GOLGA4: variants seen among roughly 807,000 people sequenced by gnomAD.
GOLGA4 encodes the protein golgin subfamily A member 4.
A neutral mutation model predicts 265.9 loss-of-function variants in GOLGA4; 169 were observed. The ratio of observed to expected loss-of-function variants is 0.64; its 90% confidence interval spans 0.56 to 0.72. GOLGA4 has a LOEUF of 0.72. GOLGA4 is among the 30% of genes least tolerant of loss of function. The pLI, the probability that GOLGA4 is intolerant of heterozygous loss-of-function variation, is 0.00. For missense variants in GOLGA4, 2,482 were observed against 2,483.4 expected (o/e 1.00, Z 0.01); for synonymous variants, 923 against 855.8 (o/e 1.08, Z -1.37).
chr3:37,273,161 A>C (rs17036215), intron 2 of GOLGA4, among the ~76,000 whole-genome samples: 8,132 of 152,296 alleles, frequency 0.053, 299 homozygotes, highest in African/African-American at 0.11. Context: ...AAAAAATTGA[A>C]ATTACTTCCT....
intron 21 of GOLGA4, among the ~76,000 whole-genome samples, chr3:37,348,488 C>T (rs551712603): frequency 4.6e-5 from 7 of 152,010 alleles, no homozygotes; most frequent in South Asian, 2.1e-4. Context: ...ACAAAACTAA[C>T]GAAATACAGC....
intron 13 of GOLGA4, among the ~76,000 whole-genome samples, chr3:37,322,959 C>A (rs922156811): frequency 3.9e-5 from 6 of 151,926 alleles, no homozygotes; most frequent in African/African-American, 1.5e-4. Context: ...AATCTTCCTA[C>A]CAGAAGTTAC....
chr3:37,331,392 T>G (rs2096989686), intron 16 of GOLGA4, among the ~76,000 whole-genome samples: 1 of 152,144 alleles, frequency 6.6e-6, no homozygotes, highest in South Asian at 2.1e-4. Flanking sequence ...AAATAGCCAG[T>G]CCCCATCCAG....
rs2096948123 is a variant in GOLGA4 at position 37,319,354 on chromosome 3, T to G, written c.1545+160T>G. The stretch of plus-strand genomic sequence containing the variant: ...AGAGTAGGCAAGCTGTCAGAGCTTA[T>G]TAGCTTGGTATTGTGTGAAAATTAA... On this transcript the variant is annotated intron_variant, in intron 12 of 23. Transcript: ENST00000361924. 5 of 502,754 alleles carry G rather than the reference T, an allele frequency of 9.9e-6. No homozygotes were observed. In the East Asian group the frequency reaches 1.6e-4, roughly 16 times the overall value. 31.1% of individuals were successfully genotyped at this position (502,754 alleles called of 1,614,324 possible). A position where few individuals can be genotyped will look rare whatever the true frequency, so the allele number is the denominator to read the frequency against.
At position 37,325,564 on chromosome 3, in the gene GOLGA4, C is replaced by T; in HGVS notation, c.3678C>T (p.Ala1226=). The T allele has an allele frequency of 6.2e-7, 1 of 1,613,324 alleles. No homozygotes were observed. Among genetic ancestry groups the T allele is most frequent in the South Asian group, 1.1e-5 (1 of 91,000 alleles). The stretch of plus-strand genomic sequence containing the variant: ...ATATTTGCTGTAAGAAAACCGAAGC[C>T]TTATTAGAAGCTAAAACAAATGAGC... ...QLDICCKKTE[A]LLEAKTNELI... Residue 1226 remains alanine, a synonymous_variant, in exon 14 of 24, where the codon GCC becomes GCT. Transcript: ENST00000361924.
chr3:37,269,519 CTTAAAGTACAAAGGAA>C (rs2096792495), intron 2 of GOLGA4, among the ~76,000 whole-genome samples: 1 of 151,850 alleles, frequency 6.6e-6, no homozygotes, highest in Non-Finnish European at 1.5e-5. Context: ...TCAACATACA[CTTAAAGTACAAAGGAA>C]TTAAGGCTTC....
chr3:37,362,780 C>CCTTTTTTTTTTTTTTTTTTTTTTTTTTT (rs1375290747), intron 23 of GOLGA4, among the ~76,000 whole-genome samples: 5 of 75,464 alleles, frequency 6.6e-5, no homozygotes, highest in African/African-American at 2.1e-4. Flanking sequence ...AGCCTCTAAG[C>CCTTTTTTTTTTTTTTTTTTTTTTTTTTT]TTTTTTTTTT....
chr3:37,306,209 G>A (rs1162783364), intron 10 of GOLGA4, among the ~76,000 whole-genome samples: 2 of 152,138 alleles, frequency 1.3e-5, no homozygotes. Context: ...ACGTATGAGA[G>A]CATAGCATTC....
intron 5 of GOLGA4, among the ~76,000 whole-genome samples, chr3:37,291,272 G>GT (rs552675722): frequency 1.3e-3 from 192 of 150,892 alleles, no homozygotes; most frequent in African/African-American, 4.2e-3. Flanking sequence ...AGGAATACCT[G>GT]TTTTTTTTTC....
chr3:37,338,988 A>G (rs2097023869), intron 19 of GOLGA4, among the ~76,000 whole-genome samples: 1 of 150,770 alleles, frequency 6.6e-6, no homozygotes, highest in African/African-American at 2.4e-5. Context: ...CAGCCTGCTG[A>G]GTAGCTGGGA....
At chr3:37,304,395 C>T (rs2096900879) in intron 10 of GOLGA4, among the ~76,000 whole-genome samples, 1 of 152,164 alleles carries the variant, frequency 6.6e-6, no homozygotes, top group African/African-American at 2.4e-5. Context: ...TTGTTCTCAT[C>T]AAACCTAAGA....
At chr3:37,251,354 A>C (rs777541760) in intron 1 of GOLGA4, 41 bp from the exon 2 acceptor site, 7 of 1,224,034 alleles carry the variant, frequency 5.7e-6, no homozygotes, top group Middle Eastern at 1.9e-4. Context: ...TTCACTAGTC[A>C]ATATAGTCTT....
At chr3:37,358,804 A>G (rs2151080809) in intron 22 of GOLGA4, among the ~76,000 whole-genome samples, 1 of 152,266 alleles carries the variant, frequency 6.6e-6, no homozygotes, top group Non-Finnish European at 1.5e-5. Context: ...AGCCCACAAA[A>G]TGCCCCCATC....
intron 1 of GOLGA4, among the ~76,000 whole-genome samples, chr3:37,246,476 T>C (rs2096719914): frequency 6.6e-6 from 1 of 152,216 alleles, no homozygotes; most frequent in Non-Finnish European, 1.5e-5. Flanking sequence ...TTTAGCCTTT[T>C]CAAGTACTTC....
rs1319904127 is a variant in GOLGA4 at position 37,258,922 on chromosome 3, T to TA, written c.162+7440dup. 2.6e-5 allele frequency among the ~76,000 whole-genome samples: 4 copies of TA among 152,154 alleles called. No homozygotes were observed. In the East Asian group the frequency reaches 7.7e-4, roughly 29 times the overall value. On this transcript the variant is annotated intron_variant, in intron 2 of 23. Transcript: ENST00000361924. Reference sequence around the variant, plus strand: ...TTGAGGATTTTTGTGTCTATATTCATAAGAGATGCTGGTCTGCAGTTTTCT... The same window carrying TA: ...TTGAGGATTTTTGTGTCTATATTCATAAAGAGATGCTGGTCTGCAGTTTTCT...
At chr3:37,254,015 CAA>C (rs57893128) in intron 2 of GOLGA4, among the ~76,000 whole-genome samples, 2,596 of 126,506 alleles carry the variant, frequency 0.021, 42 homozygotes, top group African/African-American at 0.055. Flanking sequence ...GACACAGTCT[CAA>C]AAAAAAAAAA....
intron 10 of GOLGA4, chr3:37,302,814 C>A (rs1024678470): frequency 6.5e-6 from 1 of 154,128 alleles, no homozygotes; most frequent in African/African-American, 2.4e-5. Context: ...GAATAATGAA[C>A]ACTTCAGTGT....
At chr3:37,311,141 C>T (rs2096922158) in intron 10 of GOLGA4, among the ~76,000 whole-genome samples, 1 of 152,022 alleles carries the variant, frequency 6.6e-6, no homozygotes, top group Non-Finnish European at 1.5e-5. Flanking sequence ...CTCAGTATAT[C>T]CTCTTTAAAC....
At chr3:37,365,902 G>A (rs1046188927) in intron 23 of GOLGA4, among the ~76,000 whole-genome samples, 178 bp from the exon 24 acceptor site, 5 of 151,420 alleles carry the variant, frequency 3.3e-5, no homozygotes, top group African/African-American at 7.3e-5. Flanking sequence ...CAAAGTGCTG[G>A]GATTACAGTC....
Sources: allele counts gnomAD v4.1 joint callset (sites outside exome capture counted in the v4.1 genomes callset), GRCh38; gene constraint gnomAD v4.1.1; transcripts MANE v1.5; gene names NCBI Gene and HGNC (gene_info 2026-07-23, HGNC 2026-07-21).